The following STOX2 variants were observed in gnomAD, a reference collection of about 807,000 sequenced individuals.
The protein encoded by STOX2 is storkhead box 2.
A neutral mutation model predicts 60.9 loss-of-function variants in STOX2; 28 were observed. That is an observed-to-expected ratio of 0.46 (90% CI 0.34 to 0.63). The LOEUF (loss-of-function observed/expected upper bound fraction) is 0.63, where lower values mean the gene tolerates loss of function less well. STOX2 is among the 30% of genes least tolerant of loss of function. The probability of loss-of-function intolerance (pLI) is 0.01; values close to 1 mark genes in which losing one functional copy is unlikely to be tolerated. For missense variants in STOX2, 1,024 were observed against 1,187.7 expected (o/e 0.86, Z 2.03); for synonymous variants, 472 against 463.9 (o/e 1.02, Z -0.22).
At chr4:183,950,340 T>C (rs186565977) in intron 1 of STOX2, among the ~76,000 whole-genome samples, 155 of 152,018 alleles carry the variant, frequency 1.0e-3, no homozygotes, top group African/African-American at 3.5e-3. Flanking sequence ...TACAGATTAG[T>C]GGGAGAGAGA....
intron 1 of STOX2, among the ~76,000 whole-genome samples, chr4:183,880,831 T>C (rs1040784054): frequency 2.6e-5 from 4 of 152,212 alleles, no homozygotes; most frequent in African/African-American, 9.6e-5. Context: ...TGGGGTAATA[T>C]TTTTGCCTGT....
intron 1 of STOX2, among the ~76,000 whole-genome samples, chr4:183,995,713 C>T (rs1733310551): frequency 6.6e-6 from 1 of 152,208 alleles, no homozygotes; most frequent in African/African-American, 2.4e-5. Flanking sequence ...TGTATGAAAA[C>T]AGGGGCAGTG....
chr4:183,870,427 T>G (rs1579355605), intron 1 of STOX2, among the ~76,000 whole-genome samples: 1 of 152,336 alleles, frequency 6.6e-6, no homozygotes, highest in South Asian at 2.1e-4. Context: ...AGTAGTATAT[T>G]AATAGCCTTG....
chr4:183,925,471 C>T (rs775470769), intron 1 of STOX2, among the ~76,000 whole-genome samples: 39 of 152,110 alleles, frequency 2.6e-4, no homozygotes, highest in Non-Finnish European at 5.0e-4. Context: ...GCATGATCCC[C>T]CTTCCCCGGC....
chr4:183,924,868 G>A (rs1391967840), intron 1 of STOX2, among the ~76,000 whole-genome samples: 1 of 152,164 alleles, frequency 6.6e-6, no homozygotes, highest in Non-Finnish European at 1.5e-5. Context: ...CAAGATAGCT[G>A]TGCTGGCGTC....
chr4:183,969,413 A>T (rs554832078), intron 1 of STOX2, among the ~76,000 whole-genome samples: 2 of 152,334 alleles, frequency 1.3e-5, no homozygotes, highest in East Asian at 3.9e-4. Flanking sequence ...ACTTTTAAAA[A>T]TTAGCCTGAT....
At chr4:184,008,870 G>A (rs28655984) in intron 2 of STOX2, among the ~76,000 whole-genome samples, 28,047 of 151,802 alleles carry the variant, frequency 0.18, 6,134 homozygotes, top group African/African-American at 0.53. Context: ...TTCCTGTTTC[G>A]TTCAGGAAAC....
intron 1 of STOX2, among the ~76,000 whole-genome samples, chr4:183,837,068 T>C (rs913789984): frequency 6.6e-6 from 1 of 152,094 alleles, no homozygotes; most frequent in African/African-American, 2.4e-5. Context: ...GACTGACATC[T>C]ATGCTGGTGA....
At chr4:183,946,627 G>GT (rs66484161) in intron 1 of STOX2, among the ~76,000 whole-genome samples, 4,880 of 131,266 alleles carry the variant, frequency 0.037, 241 homozygotes, top group African/African-American at 0.12. Context: ...CATAGTTGTG[G>GT]TTTTTTTTTT....
intron 1 of STOX2, among the ~76,000 whole-genome samples, chr4:183,974,535 A>C (rs1242637020): frequency 6.6e-6 from 1 of 152,184 alleles, no homozygotes; most frequent in Non-Finnish European, 1.5e-5. Flanking sequence ...GATATACACT[A>C]ATCATAAGGA....
chr4:183,969,840 T>A (rs1353081656), intron 1 of STOX2, among the ~76,000 whole-genome samples: 1 of 152,216 alleles, frequency 6.6e-6, no homozygotes, highest in Non-Finnish European at 1.5e-5. Flanking sequence ...CAGGCTAGCC[T>A]TGAATTCCTG....
intron 1 of STOX2, among the ~76,000 whole-genome samples, chr4:183,930,712 T>C (rs1742398307): frequency 6.6e-6 from 1 of 152,214 alleles, no homozygotes; most frequent in Non-Finnish European, 1.5e-5. Flanking sequence ...TAAAGCTTAA[T>C]AGAATAATAT....
intron 1 of STOX2, among the ~76,000 whole-genome samples, chr4:183,967,489 T>G (rs988641266): frequency 6.6e-6 from 1 of 151,772 alleles, no homozygotes; most frequent in Middle Eastern, 3.4e-3. Flanking sequence ...GGGAACATGA[T>G]GGTGTTTGGT....
Position 183,798,056 on chromosome 4 carries a change from G to C in STOX2, c.364+1G>C. ...TCGGGCTTCCACATCCGCTGCCTGG[G>C]TGAGTGCGACCGCCGCGCGCCCGTC... On this transcript the variant is annotated splice_donor_variant, in intron 1 of 2. Coordinates refer to the STOX2 transcript ENST00000513034. LOFTEE classifies it high-confidence loss of function. 5 of 1,228,698 alleles carry C rather than the reference G, an allele frequency of 4.1e-6. No homozygotes were observed. Among genetic ancestry groups the C allele is most frequent in the Non-Finnish European group, 5.1e-6 (5 of 986,152 alleles). The allele number at this position is 1,228,698 out of a possible 1,614,324, so 76.1% of individuals were successfully genotyped here.
rs1319103944 is a variant in STOX2 at position 183,865,782 on chromosome 4, C to G, written c.364+67727C>G. The stretch of plus-strand genomic sequence containing the variant: ...ACACAGGCTAGAAGGCAAGAAAACC[C>G]TGGTTGTAGGTTGCATGGAGAAGTC... On this transcript the variant is annotated intron_variant, in intron 1 of 2. Coordinates refer to the STOX2 transcript ENST00000513034. The surrounding 1 kb of genome is among the most constrained non-coding windows in gnomAD (Gnocchi z 4.1). Among the ~76,000 whole-genome samples, 3 of 152,144 alleles carry G rather than the reference C, an allele frequency of 2.0e-5. No individual in the cohort carries two copies. Among genetic ancestry groups the G allele is most frequent in the Non-Finnish European group, 4.4e-5 (3 of 68,028 alleles).
intron 2 of STOX2, among the ~76,000 whole-genome samples, chr4:184,008,564 A>G (rs75082346): frequency 0.028 from 4,291 of 152,328 alleles, 86 homozygotes; most frequent in Admixed American, 0.06. Context: ...GTCAGTTTCC[A>G]AATGGAAGGC....
chr4:183,933,479 C>T (rs925829530), intron 1 of STOX2, among the ~76,000 whole-genome samples: 4 of 152,178 alleles, frequency 2.6e-5, no homozygotes, highest in Non-Finnish European at 5.9e-5. Context: ...ACCTCCACCT[C>T]CTGGGTTCAA....
intron 1 of STOX2, among the ~76,000 whole-genome samples, chr4:183,929,988 C>T (rs1416741783): frequency 1.3e-5 from 2 of 151,718 alleles, no homozygotes; most frequent in South Asian, 2.1e-4. Context: ...CTCAGCCTCC[C>T]GAGTAGCTGG....
intron 1 of STOX2, among the ~76,000 whole-genome samples, chr4:183,970,178 GT>G (rs1353463156): frequency 1.3e-4 from 18 of 140,792 alleles, no homozygotes; most frequent in African/African-American, 4.4e-4. Context: ...GTGTGTGTGT[GT>G]GTGGGGTTCC....
Sources: allele counts gnomAD v4.1 joint callset (sites outside exome capture counted in the v4.1 genomes callset), GRCh38; gene constraint gnomAD v4.1.1; non-coding constraint Gnocchi (gnomAD v3.1); transcripts MANE v1.5; gene names NCBI Gene and HGNC (gene_info 2026-07-23, HGNC 2026-07-21).